The following PAWR variants were observed in gnomAD, a reference collection of about 807,000 sequenced individuals.
PAWR encodes the protein PRKC apoptosis WT1 regulator protein.
A neutral mutation model predicts 32.0 loss-of-function variants in PAWR; 23 were observed. That is an observed-to-expected ratio of 0.72 (90% CI 0.52 to 1.02). PAWR has a LOEUF of 1.02. Ranked by LOEUF, PAWR falls within the 50% of genes least tolerant of loss-of-function variation. The pLI, the probability that PAWR is intolerant of heterozygous loss-of-function variation, is 0.00. For synonymous variants in PAWR, 226 were observed against 187.1 expected, an observed-to-expected ratio of 1.21 and a Z score of -1.70; for missense variants, 457 against 437.7, an observed-to-expected ratio of 1.04 and a Z score of -0.39.
Position 79,665,850 on chromosome 12 carries a change from T to C in PAWR, c.516+23879A>G, listed in dbSNP as rs116356577. Among the ~76,000 whole-genome samples the C allele has an allele frequency of 4.8e-3, 734 of 152,276 alleles. 7 individuals are homozygous for C. The highest frequency in any genetic ancestry group is 0.017 in the African/African-American group (697 of 41,554). ...AATCAAACTGCAGCAAAACTCAATA[T>C]CCCGTAACAGAGCCTGATTTTTCTC... On this transcript the variant is annotated intron_variant, in intron 2 of 6. Coordinates refer to ENST00000328827, the MANE Select transcript of PAWR (RefSeq NM_002583.4).
At chr12:79,659,085 C>T (rs1368631559) in intron 2 of PAWR, among the ~76,000 whole-genome samples, 1 of 151,128 alleles carries the variant, frequency 6.6e-6, no homozygotes, top group African/African-American at 2.4e-5. Flanking sequence ...ATCACAAACT[C>T]AGGAGATCAA....
chr12:79,669,928 T>C (rs1354321579), intron 2 of PAWR, among the ~76,000 whole-genome samples: 6 of 152,116 alleles, frequency 3.9e-5, no homozygotes, highest in East Asian at 3.9e-4. Context: ...CTCAAACTCC[T>C]GAGCTCAAGC....
intron 2 of PAWR, among the ~76,000 whole-genome samples, chr12:79,682,824 T>C (rs1299209334): frequency 6.6e-6 from 1 of 152,206 alleles, no homozygotes; most frequent in Non-Finnish European, 1.5e-5. Flanking sequence ...TCAAAATCAA[T>C]TGCCAGTCAA....
At position 79,592,217 on chromosome 12, in the gene PAWR, T is replaced by G. The variant is rs773365126; in HGVS notation, c.*390A>C. The G allele has an allele frequency of 8.7e-5, 16 of 184,178 alleles. No homozygotes were observed. The highest frequency in any genetic ancestry group is 1.5e-4 in the Non-Finnish European group (13 of 89,546). The allele number at this position is 184,178 out of a possible 1,614,324, so 11.4% of individuals were successfully genotyped here. A position where few individuals can be genotyped will look rare whatever the true frequency, so the allele number is the denominator to read the frequency against. On this transcript the variant is annotated 3_prime_UTR_variant, in exon 7 of 7. Transcript: ENST00000328827. ...GGTTGCACACATCAGTAATAGGACA[T>G]GTGAAGGTAACATCCCAAAAGTATT...
At chr12:79,634,228 C>T (rs1381724024) in intron 2 of PAWR, among the ~76,000 whole-genome samples, 1 of 151,992 alleles carries the variant, frequency 6.6e-6, no homozygotes, top group East Asian at 1.9e-4. Context: ...TTGGGAAATG[C>T]TTCAAATTTA....
chr12:79,608,413 A>G (rs1874285822), intron 4 of PAWR, among the ~76,000 whole-genome samples: 1 of 152,140 alleles, frequency 6.6e-6, no homozygotes, highest in African/African-American at 2.4e-5. Context: ...AACAGTTCAC[A>G]ATAGGGTTCG....
rs1320392878 is a variant in PAWR, at chr12:79,587,679, G to A, written c.*4928C>T. 3.3e-5 allele frequency: 5 copies of A among 151,962 alleles called. No homozygotes were observed. The East Asian group carries it at 7.7e-4, about 23-fold the overall frequency. 9.4% of individuals were successfully genotyped at this position (151,962 alleles called of 1,614,324 possible). ...TAAAGATTTTTAAAGTGCTGCATAT[G>A]GTTTCTGTAAGAGGTACATAATTAG... On this transcript the variant is annotated 3_prime_UTR_variant, in exon 7 of 7. Coordinates refer to ENST00000328827, the MANE Select transcript of PAWR (RefSeq NM_002583.4).
chr12:79,682,861 AT>A lies in PAWR; in HGVS notation c.516+6867del, dbSNP rs1429523933. 2.6e-5 allele frequency among the ~76,000 whole-genome samples: 4 copies of A among 152,220 alleles called. No homozygotes were observed. The East Asian group carries it at 7.7e-4, about 29-fold the overall frequency. On this transcript the variant is annotated intron_variant, in intron 2 of 6. Transcript: ENST00000328827. ...GATGCCTATAGGTCTAACATGTAAG[AT>A]TTGTAATCAATGGGAAAAATGTTTG...
Position 79,604,340 on chromosome 12 carries a change from T to C in PAWR, c.684-7682A>G, listed in dbSNP as rs188602063. The C allele has an allele frequency of 8.4e-5, 85 of 1,006,544 alleles. No individual in the cohort carries two copies. In the East Asian group the frequency reaches 7.7e-3, roughly 91 times the overall value. 62.4% of individuals were successfully genotyped at this position (1,006,544 alleles called of 1,614,324 possible). A position where few individuals can be genotyped will look rare whatever the true frequency, so the allele number is the denominator to read the frequency against. On this transcript the variant is annotated intron_variant, in intron 4 of 6. Coordinates refer to ENST00000328827, the MANE Select transcript of PAWR (RefSeq NM_002583.4). The stretch of plus-strand genomic sequence containing the variant: ...ATAAATGCCACCCCTTACTGGAAGT[T>C]TTCCCCCTCTGGGAATTTTCGCATC...
At chr12:79,678,153 C>T (rs952045894) in intron 2 of PAWR, among the ~76,000 whole-genome samples, 57 of 152,120 alleles carry the variant, frequency 3.7e-4, no homozygotes, top group Admixed American at 7.2e-4. Flanking sequence ...GTGTTGTTTA[C>T]TACTCTTGAA....
At chr12:79,594,662 T>G (rs2136672817) in intron 5 of PAWR, among the ~76,000 whole-genome samples, 1 of 152,200 alleles carries the variant, frequency 6.6e-6, no homozygotes, top group East Asian at 1.9e-4. Context: ...ATACAAGTCT[T>G]TAACAAAACT....
At chr12:79,664,666 G>GT (rs1428414466) in intron 2 of PAWR, among the ~76,000 whole-genome samples, 8 of 148,054 alleles carry the variant, frequency 5.4e-5, no homozygotes, top group Non-Finnish European at 7.4e-5. Context: ...GGCGGGGGGG[G>GT]GAGGAGAGAG....
chr12:79,610,689 G>A (rs1874392576), intron 4 of PAWR, among the ~76,000 whole-genome samples: 1 of 151,210 alleles, frequency 6.6e-6, no homozygotes, highest in Admixed American at 6.6e-5. Context: ...ACTTTGGGAG[G>A]CAGAGTTGGG....
At chr12:79,643,573 T>A (rs1251422189) in intron 2 of PAWR, among the ~76,000 whole-genome samples, 1 of 152,124 alleles carries the variant, frequency 6.6e-6, no homozygotes, top group African/African-American at 2.4e-5. Context: ...AATTCTGATG[T>A]TTCAACAAGA....
intron 3 of PAWR, among the ~76,000 whole-genome samples, chr12:79,617,235 C>T (rs943925227): frequency 6.6e-6 from 1 of 152,070 alleles, no homozygotes; most frequent in African/African-American, 2.4e-5. Flanking sequence ...GCCTGTAATC[C>T]CAGCTACTTG....
chr12:79,628,329 A>T (rs1795015136), intron 2 of PAWR, among the ~76,000 whole-genome samples: 1 of 152,202 alleles, frequency 6.6e-6, no homozygotes, highest in South Asian at 2.1e-4. Context: ...AGGTAAATTT[A>T]TAGCACTAAA....
rs71091677 is a variant in PAWR at position 79,632,312 on chromosome 12, CATATATAT to C, written c.517-11113_517-11106del. 47 of 11,586 alleles carry C rather than the reference CATATATAT, an allele frequency of 4.1e-3. 1 individual carries two copies. Among genetic ancestry groups the C allele is most frequent in the Middle Eastern group, 0.05 (1 of 20 alleles). The allele number at this position is 11,586 out of a possible 1,614,324, so 0.7% of individuals were successfully genotyped here. ...AAATATATACATATATATATACATACATATATATATATATATATATATATATATATATA... is the reference window on the plus strand; with the variant it reads ...AAATATATACATATATATATACATACATATATATATATATATATATATATA... On this transcript the variant is annotated intron_variant, in intron 2 of 6. Coordinates refer to ENST00000328827, the MANE Select transcript of PAWR (RefSeq NM_002583.4).
chr12:79,596,873 G>T, intron 4 of PAWR: 1 of 461,972 alleles, frequency 2.2e-6, no homozygotes, highest in Non-Finnish European at 3.8e-6. Flanking sequence ...TACTGAATAG[G>T]TGTTAAGTAA....
intron 2 of PAWR, among the ~76,000 whole-genome samples, chr12:79,684,209 G>C (rs1225951943): frequency 1.3e-5 from 2 of 151,898 alleles, no homozygotes; most frequent in Non-Finnish European, 2.9e-5. Flanking sequence ...CCTAATATTT[G>C]CCAATAATTT....
Sources: allele counts gnomAD v4.1 joint callset (sites outside exome capture counted in the v4.1 genomes callset), GRCh38; gene constraint gnomAD v4.1.1; transcripts MANE v1.5; gene names NCBI Gene and HGNC (gene_info 2026-07-23, HGNC 2026-07-21).